Variants in UVRAG observed in about 807,000 individuals in gnomAD.
The protein encoded by UVRAG is UV radiation resistance associated.
Under a neutral mutation model 78.0 loss-of-function variants are expected in UVRAG, and 19 were observed. That is an observed-to-expected ratio of 0.24 (90% confidence interval 0.17 to 0.36). The LOEUF (loss-of-function observed/expected upper bound fraction) is 0.36, where lower values mean the gene tolerates loss of function less well. Among genes scored for constraint, UVRAG ranks in the 10% least tolerant of loss-of-function variants. The pLI is 1.00. For missense variants in UVRAG, 740 were observed against 853.8 expected (o/e 0.87, Z 1.66); for synonymous variants, 323 against 324.6 (o/e 1.00, Z 0.05).
intron 12 of UVRAG, among the ~76,000 whole-genome samples, chr11:76,055,778 C>G (rs777661829): frequency 6.6e-6 from 1 of 152,012 alleles, no homozygotes; most frequent in Admixed American, 6.6e-5. Context: ...GGCAGGATCT[C>G]GGCTCACTGC....
chr11:75,871,377 C>A (rs138278558), intron 3 of UVRAG, among the ~76,000 whole-genome samples: 94 of 151,084 alleles, frequency 6.2e-4, no homozygotes, highest in Non-Finnish European at 1.2e-3. Context: ...ACCTCTGCCT[C>A]CCAGGTTCAA....
At chr11:75,877,164 G>T (rs1007475111) in intron 3 of UVRAG, among the ~76,000 whole-genome samples, 3 of 151,820 alleles carry the variant, frequency 2.0e-5, no homozygotes, top group Non-Finnish European at 4.4e-5. Context: ...CAGGGTTGGG[G>T]GGTAAGGTCA....
At chr11:75,975,577 T>C (rs1202716808) in intron 7 of UVRAG, among the ~76,000 whole-genome samples, 1 of 152,238 alleles carries the variant, frequency 6.6e-6, no homozygotes, top group Non-Finnish European at 1.5e-5. Flanking sequence ...AAAGAGGTCC[T>C]TCACATCCCT....
intron 3 of UVRAG, among the ~76,000 whole-genome samples, chr11:75,862,015 C>T (rs1946430673): frequency 6.6e-6 from 1 of 152,056 alleles, no homozygotes; most frequent in Non-Finnish European, 1.5e-5. Context: ...AGCACACCGA[C>T]ATGGCACATG....
chr11:75,871,341 C>T (rs1489120524), intron 3 of UVRAG, among the ~76,000 whole-genome samples: 1 of 144,234 alleles, frequency 6.9e-6, no homozygotes, highest in African/African-American at 2.6e-5. Flanking sequence ...GGCTGGAGTG[C>T]AATGGTGGGA....
intron 13 of UVRAG, among the ~76,000 whole-genome samples, chr11:76,067,467 C>T (rs1202978319): frequency 2.0e-5 from 3 of 152,134 alleles, no homozygotes; most frequent in Non-Finnish European, 4.4e-5. Flanking sequence ...CAAAAGTGCT[C>T]AGACTGAGGC....
intron 4 of UVRAG, among the ~76,000 whole-genome samples, chr11:75,884,091 A>T (rs1023622094): frequency 6.6e-6 from 1 of 152,196 alleles, no homozygotes; most frequent in East Asian, 1.9e-4. Flanking sequence ...CATCTTTGCT[A>T]TCACTTGTGA....
rs374400054 is a variant in UVRAG at position 75,954,774 on chromosome 11, A to G, written c.594-6670A>G. On this transcript the variant is annotated intron_variant, in intron 6 of 14. Coordinates refer to ENST00000356136, the MANE Select transcript of UVRAG (RefSeq NM_003369.4). ...AAAGATCTGGTGAAATAGGCAAAGA[A>G]ATAAACAGTTGCTGTAAAATAGGGT... 6.8e-4 allele frequency among the ~76,000 whole-genome samples: 103 copies of G among 152,356 alleles called. 1 individual carries two copies. The highest frequency in any genetic ancestry group is 2.4e-3 in the African/African-American group (101 of 41,586).
intron 6 of UVRAG, among the ~76,000 whole-genome samples, chr11:75,944,907 A>G (rs1351047595): frequency 6.6e-6 from 1 of 152,168 alleles, no homozygotes; most frequent in Non-Finnish European, 1.5e-5. Flanking sequence ...AAAAAAAGAT[A>G]CAGAACCTTT....
At chr11:76,087,048 C>A (rs1951600406) in intron 13 of UVRAG, among the ~76,000 whole-genome samples, 1 of 152,206 alleles carries the variant, frequency 6.6e-6, no homozygotes, top group African/African-American at 2.4e-5. Context: ...AAATTATTGG[C>A]TTGTATAACC....
chr11:75,920,854 G>C (rs753326405), intron 6 of UVRAG, among the ~76,000 whole-genome samples: 6 of 152,106 alleles, frequency 3.9e-5, no homozygotes, highest in Admixed American at 6.5e-5. Flanking sequence ...TGGGTTTCTT[G>C]TTCAATATTC....
At chr11:76,039,105 A>G (rs1950594134) in intron 12 of UVRAG, among the ~76,000 whole-genome samples, 2 of 152,136 alleles carry the variant, frequency 1.3e-5, no homozygotes, top group African/African-American at 4.8e-5. Flanking sequence ...AAACTAATAT[A>G]TTGTGTGACT....
At chr11:76,022,275 T>A (rs1249294639) in intron 12 of UVRAG, among the ~76,000 whole-genome samples, 1 of 152,210 alleles carries the variant, frequency 6.6e-6, no homozygotes, top group African/African-American at 2.4e-5. Context: ...CTGCTGTCAT[T>A]AGATGCTATT....
At chr11:75,876,695 GA>G (rs71036069) in intron 3 of UVRAG, among the ~76,000 whole-genome samples, 51 of 146,198 alleles carry the variant, frequency 3.5e-4, no homozygotes, top group East Asian at 1.4e-3. Flanking sequence ...CTTTGGTCAG[GA>G]AAAAAAAAAA....
At chr11:76,105,679 T>A (rs1038049552) in intron 13 of UVRAG, among the ~76,000 whole-genome samples, 13 of 152,208 alleles carry the variant, frequency 8.5e-5, no homozygotes, top group Admixed American at 6.5e-4. Flanking sequence ...GAGCCTGAGG[T>A]CAAGACTGCA....
At chr11:75,913,898 C>T (rs1591011223) in intron 6 of UVRAG, among the ~76,000 whole-genome samples, 1 of 152,282 alleles carries the variant, frequency 6.6e-6, no homozygotes, top group Non-Finnish European at 1.5e-5. Context: ...AATGATTTGG[C>T]TCTTGGGGAG....
intron 8 of UVRAG, among the ~76,000 whole-genome samples, chr11:75,992,383 G>A (rs1287526959): frequency 6.6e-6 from 1 of 152,176 alleles, no homozygotes; most frequent in Non-Finnish European, 1.5e-5. Flanking sequence ...TGTACTTGAA[G>A]TGCCATTTTC....
intron 13 of UVRAG, among the ~76,000 whole-genome samples, chr11:76,101,993 A>G (rs1368452322): frequency 1.3e-5 from 2 of 152,060 alleles, no homozygotes; most frequent in Non-Finnish European, 2.9e-5. Flanking sequence ...CCTGTGATAT[A>G]GTTGTGAAGG....
rs371658757 is a variant in UVRAG at position 75,971,224 on chromosome 11, A to ATT, written c.699+9675_699+9676insTT. 4.9e-3 allele frequency among the ~76,000 whole-genome samples: 748 copies of ATT among 152,344 alleles called. 1 individual carries two copies. Among genetic ancestry groups the ATT allele is most frequent in the Non-Finnish European group, 7.7e-3 (523 of 68,026 alleles). On this transcript the variant is annotated intron_variant, in intron 7 of 14. Transcript: ENST00000356136. ...CTGAATAGTACTCCATTGTATATAT[A>ATT]CCACAGTTTATCTGTTGACCTATTG...
Sources: gnomAD v4.1 joint callset for allele counts (sites outside exome capture counted in the v4.1 genomes callset) on GRCh38, gnomAD v4.1.1 for gene constraint, MANE v1.5 for transcripts, NCBI Gene and HGNC (gene_info 2026-07-23, HGNC 2026-07-21) for gene names.